NEGR1: variants seen among roughly 807,000 people sequenced by gnomAD.
NEGR1 encodes the protein neuronal growth regulator 1.
Under a neutral mutation model 40.9 loss-of-function variants are expected in NEGR1, and 10 were observed. That is an observed-to-expected ratio of 0.24 (90% CI 0.15 to 0.42). The LOEUF (loss-of-function observed/expected upper bound fraction) is 0.42. NEGR1 is among the 10% of genes least tolerant of loss of function. NEGR1 has a pLI of 1.00. For synonymous variants in NEGR1, 185 were observed against 166.8 expected (o/e 1.11, Z -0.84); for missense variants, 352 against 438.9 (o/e 0.80, Z 1.77).
chr1:71,831,562 G>GA (rs1304979229), intron 2 of NEGR1, among the ~76,000 whole-genome samples: 1 of 151,926 alleles, frequency 6.6e-6, no homozygotes, highest in African/African-American at 2.4e-5. Flanking sequence ...GATCGGGCAT[G>GA]AAAAATTGTT....
At chr1:71,604,584 T>C (rs1176182607) in intron 5 of NEGR1, among the ~76,000 whole-genome samples, 1 of 152,130 alleles carries the variant, frequency 6.6e-6, no homozygotes, top group Non-Finnish European at 1.5e-5. Context: ...CATGTTACCA[T>C]TGTAAAATCA....
At chr1:72,040,577 C>CAAAAAAAAAAAAAAAAA (rs5775102) in intron 1 of NEGR1, among the ~76,000 whole-genome samples, 9 of 29,704 alleles carry the variant, frequency 3.0e-4, no homozygotes, top group African/African-American at 3.7e-4. Context: ...GAGCACTGAC[C>CAAAAAAAAAAAAAAAAA]AAAAAAAAAA....
chr1:71,884,675 A>C (rs1660676319), intron 2 of NEGR1, among the ~76,000 whole-genome samples: 1 of 152,218 alleles, frequency 6.6e-6, no homozygotes, highest in African/African-American at 2.4e-5. Context: ...ACTAGATGAC[A>C]CACTTGCCAC....
intron 6 of NEGR1, among the ~76,000 whole-genome samples, chr1:71,484,246 G>A (rs1646873063): frequency 6.6e-6 from 1 of 151,484 alleles, no homozygotes. Flanking sequence ...TAAAATACCA[G>A]CTGGATGTTA....
intron 2 of NEGR1, among the ~76,000 whole-genome samples, chr1:71,872,292 CT>C (rs766365705): frequency 1.1e-4 from 16 of 152,182 alleles, no homozygotes; most frequent in Non-Finnish European, 1.9e-4. Context: ...TTTTGCTGAA[CT>C]AACTTCCAGT....
chr1:72,148,549 C>A (rs1650997495), intron 1 of NEGR1, among the ~76,000 whole-genome samples: 1 of 152,154 alleles, frequency 6.6e-6, no homozygotes, highest in Non-Finnish European at 1.5e-5. Context: ...TTTTCTACTG[C>A]ATCATCAGGC....
intron 2 of NEGR1, among the ~76,000 whole-genome samples, chr1:71,849,604 T>A (rs961112202): frequency 2.0e-5 from 3 of 152,176 alleles, no homozygotes; most frequent in African/African-American, 7.2e-5. Flanking sequence ...ACAATTTATA[T>A]TGGCAAAATG....
At chr1:71,752,422 T>A (rs562222162) in intron 3 of NEGR1, among the ~76,000 whole-genome samples, 1 of 152,158 alleles carries the variant, frequency 6.6e-6, no homozygotes, top group South Asian at 2.1e-4. Flanking sequence ...ACTCCTGATC[T>A]AGAGGAAACA....
chr1:71,814,360 G>T (rs550771839), intron 2 of NEGR1, among the ~76,000 whole-genome samples: 14 of 152,060 alleles, frequency 9.2e-5, no homozygotes, highest in Non-Finnish European at 1.3e-4. Flanking sequence ...AGGGATATTT[G>T]TCTGAAGTTT....
At chr1:71,708,081 C>T (rs1053666033) in intron 3 of NEGR1, among the ~76,000 whole-genome samples, 2 of 151,856 alleles carry the variant, frequency 1.3e-5, no homozygotes, top group African/African-American at 2.4e-5. Flanking sequence ...TAATACCTAA[C>T]TTTTTAATGT....
chr1:72,005,855 T>C (rs1169953432), intron 1 of NEGR1, among the ~76,000 whole-genome samples: 2 of 152,170 alleles, frequency 1.3e-5, no homozygotes, highest in African/African-American at 4.8e-5. Context: ...ATATTTTCAT[T>C]CTATTAATCT....
chr1:72,030,193 C>A lies in NEGR1; in HGVS notation c.177-94882G>T, dbSNP rs186112555. 2.9e-3 allele frequency among the ~76,000 whole-genome samples: 425 copies of A among 145,422 alleles called. 1 individual carries two copies. The highest frequency in any genetic ancestry group is 9.5e-3 in the African/African-American group (380 of 39,926). On this transcript the variant is annotated intron_variant, in intron 1 of 6. Transcript: ENST00000357731. Reference sequence around the variant, plus strand: ...ACATGTAAGGTCACAGCTAGGGATACTTTTTTTTTTTTTCTTTTTGAGATG... The same window carrying A: ...ACATGTAAGGTCACAGCTAGGGATAATTTTTTTTTTTTTCTTTTTGAGATG...
At chr1:71,650,762 G>T (rs1378890047) in intron 4 of NEGR1, among the ~76,000 whole-genome samples, 2 of 152,002 alleles carry the variant, frequency 1.3e-5, no homozygotes, top group Non-Finnish European at 2.9e-5. Context: ...TTGTGATTTT[G>T]TAGTATAAAA....
chr1:71,467,871 T>C (rs1646757232), intron 6 of NEGR1, among the ~76,000 whole-genome samples: 1 of 152,026 alleles, frequency 6.6e-6, no homozygotes, highest in Non-Finnish European at 1.5e-5. Flanking sequence ...TGGCTTTGTA[T>C]ATTTTAAATG....
intron 1 of NEGR1, among the ~76,000 whole-genome samples, chr1:71,939,306 A>G (rs559660460): frequency 1.3e-5 from 2 of 152,242 alleles, no homozygotes; most frequent in East Asian, 3.9e-4. Context: ...TATTTACTTG[A>G]TTGATTATTG....
chr1:71,737,249 A>T (rs1655067264), intron 3 of NEGR1, among the ~76,000 whole-genome samples: 1 of 152,184 alleles, frequency 6.6e-6, no homozygotes, highest in Non-Finnish European at 1.5e-5. Flanking sequence ...CCTTTGCTCA[A>T]CTAGTTTTTC....
At chr1:71,416,488 A>T (rs1018320228) in intron 6 of NEGR1, among the ~76,000 whole-genome samples, 1 of 151,674 alleles carries the variant, frequency 6.6e-6, no homozygotes, top group African/African-American at 2.4e-5. Context: ...TTGTTCTTCG[A>T]TTTTTCCAGT....
chr1:71,738,219 C>T (rs924040330), intron 3 of NEGR1: 12 of 198,558 alleles, frequency 6.0e-5, no homozygotes, highest in South Asian at 1.2e-4. Context: ...CATTTGTGAA[C>T]GAAGTGGAAT....
At chr1:72,075,169 T>C (rs1487436229) in intron 1 of NEGR1, among the ~76,000 whole-genome samples, 2 of 152,126 alleles carry the variant, frequency 1.3e-5, no homozygotes, top group African/African-American at 4.8e-5. Context: ...CACATAGATA[T>C]AGAGAAGCTT....
Sources: gnomAD v4.1 joint callset for allele counts (sites outside exome capture counted in the v4.1 genomes callset) on GRCh38, gnomAD v4.1.1 for gene constraint, MANE v1.5 for transcripts, NCBI Gene and HGNC (gene_info 2026-07-23, HGNC 2026-07-21) for gene names.